The following PLEKHM3 variants were observed in gnomAD, a reference collection of about 807,000 sequenced individuals.
PLEKHM3 encodes pleckstrin homology domain-containing family M member 3.
A neutral mutation model predicts 81.8 loss-of-function variants in PLEKHM3; 45 were observed. That is an observed-to-expected ratio of 0.55 (90% CI 0.43 to 0.71). The LOEUF (loss-of-function observed/expected upper bound fraction) is 0.71. Ranked by LOEUF, PLEKHM3 falls within the 30% of genes least tolerant of loss-of-function variation. PLEKHM3 has a pLI of 0.00. For missense variants in PLEKHM3, 788 were observed against 924.3 expected, an observed-to-expected ratio of 0.85 and a Z score of 1.91; for synonymous variants, 352 against 356.4, an observed-to-expected ratio of 0.99 and a Z score of 0.14.
chr2:207,918,930 T>C (rs556758828), intron 5 of PLEKHM3, among the ~76,000 whole-genome samples: 3 of 151,850 alleles, frequency 2.0e-5, no homozygotes, highest in East Asian at 3.9e-4. Context: ...GCCTAAGAGA[T>C]GGAAACAGAC....
At chr2:207,960,596 C>A (rs1690694698) in intron 3 of PLEKHM3, among the ~76,000 whole-genome samples, 1 of 152,196 alleles carries the variant, frequency 6.6e-6, no homozygotes, top group African/African-American at 2.4e-5. Context: ...TTTATTAACC[C>A]TGTAAAACTC....
rs372873086 is a variant in PLEKHM3 at position 207,828,415 on chromosome 2, C to A, written c.2190G>T (p.Leu730=). ...GCCAGAAAGACTTCTGCTTCTTCTG[C>A]AGCTCTCGGCGAACACACCTCGGGC... ...VPCPRCVRRE[L]QKKQKSFWQR... The change falls in exon 8 of 8, where the codon CTG becomes CTT. Residue 730 remains leucine (L), a synonymous_variant. Transcript: ENST00000427836. The A allele has an allele frequency of 9.0e-5, 145 of 1,613,974 alleles. No homozygotes were observed. Among genetic ancestry groups the A allele is most frequent in the Non-Finnish European group, 1.2e-4 (136 of 1,180,024 alleles).
chr2:207,996,094 G>A (rs571117595), intron 2 of PLEKHM3, among the ~76,000 whole-genome samples: 1 of 152,322 alleles, frequency 6.6e-6, no homozygotes, highest in South Asian at 2.1e-4. Flanking sequence ...TCAGGAGTCT[G>A]AAATGGTATC....
intron 2 of PLEKHM3, among the ~76,000 whole-genome samples, chr2:207,985,019 G>C (rs1009312564): frequency 2.0e-5 from 3 of 151,968 alleles, no homozygotes; most frequent in African/African-American, 4.8e-5. Flanking sequence ...GTCACAGGTG[G>C]TTGTCCCACT....
Position 208,001,514 on chromosome 2 carries a change from G to A in PLEKHM3, c.126C>T (p.Val42=), listed in dbSNP as rs1019345937. 4 of 1,614,042 alleles carry A rather than the reference G, an allele frequency of 2.5e-6. No individual in the cohort carries two copies. The highest frequency in any genetic ancestry group is 2.7e-5 in the African/African-American group (2 of 74,928). The change falls in exon 2 of 8, where the codon GTC becomes GTT. Residue 42 remains valine (V), a synonymous_variant. Transcript: ENST00000427836. ...QQAEVYGIQE[V]PELVGHEVLS... Reference sequence around the variant, plus strand: ...GTACCTCATGCCCCACCAGTTCAGGGACTTCCTGGATCCCATAAACCTCTG... The same window carrying A: ...GTACCTCATGCCCCACCAGTTCAGGAACTTCCTGGATCCCATAAACCTCTG...
chr2:207,830,469 C>T (rs535435397), intron 7 of PLEKHM3, among the ~76,000 whole-genome samples: 75 of 152,000 alleles, frequency 4.9e-4, no homozygotes, highest in African/African-American at 1.5e-3. Flanking sequence ...CAAAATTAGC[C>T]GGGCGTGGTG....
intron 7 of PLEKHM3, among the ~76,000 whole-genome samples, chr2:207,833,666 A>G (rs1488413969): frequency 6.6e-6 from 1 of 152,196 alleles, no homozygotes; most frequent in African/African-American, 2.4e-5. Context: ...GCCAATAGCC[A>G]TGTCACCCCC....
At chr2:208,017,664 TC>T (rs1211995770) in intron 1 of PLEKHM3, among the ~76,000 whole-genome samples, 1 of 152,206 alleles carries the variant, frequency 6.6e-6, no homozygotes, top group Admixed American at 6.5e-5. Context: ...AGAAACTTGT[TC>T]TTTATGCTTT....
At chr2:207,897,525 A>G (rs988689969) in intron 6 of PLEKHM3, among the ~76,000 whole-genome samples, 2 of 152,224 alleles carry the variant, frequency 1.3e-5, no homozygotes, top group Non-Finnish European at 1.5e-5. Context: ...TTCAGAGATG[A>G]AGTGCTTAAG....
intron 3 of PLEKHM3, among the ~76,000 whole-genome samples, chr2:207,967,027 A>C (rs1480635335): frequency 1.3e-5 from 2 of 152,124 alleles, no homozygotes; most frequent in Admixed American, 1.3e-4. Flanking sequence ...TCTGTCACCC[A>C]GGCTGAAGTG....
chr2:207,993,280 A>G (rs1442208062), intron 2 of PLEKHM3, among the ~76,000 whole-genome samples: 1 of 152,196 alleles, frequency 6.6e-6, no homozygotes, highest in Non-Finnish European at 1.5e-5. Context: ...AATGGAAACT[A>G]TACGACCATA....
intron 3 of PLEKHM3, among the ~76,000 whole-genome samples, chr2:207,948,167 T>C (rs1427350517): frequency 1.3e-5 from 2 of 152,250 alleles, no homozygotes; most frequent in African/African-American, 2.4e-5. Context: ...CCAACACACA[T>C]GTAGCTCCTG....
rs1396762429 is a variant in PLEKHM3, at chr2:207,923,905, A to ATATTTTTT, written c.1886+7020_1886+7021insAAAAAATA. 2.5e-3 allele frequency among the ~76,000 whole-genome samples: 70 copies of ATATTTTTT among 28,342 alleles called. 2 individuals are homozygous for ATATTTTTT. The highest frequency in any genetic ancestry group is 4.1e-3 in the Non-Finnish European group (63 of 15,540). 18.6% of individuals were successfully genotyped at this position (28,342 alleles called of 152,430 possible). ...CATATATATATATATATATATATAT[A>ATATTTTTT]TTTTTTTTTTTTTTTTTTTCTGAGG... On this transcript the variant is annotated intron_variant, in intron 5 of 7. Transcript: ENST00000427836.
In PLEKHM3 at chr2:207,977,011, T is replaced by C. The variant is rs1691337024; in HGVS notation, c.1186A>G (p.Lys396Glu). The C allele has an allele frequency of 6.2e-7, 1 of 1,614,236 alleles. No individual in the cohort carries two copies. The highest frequency in any genetic ancestry group is 8.5e-7 in the Non-Finnish European group (1 of 1,180,038). Residue 396 changes from lysine (K) to glutamate (E), a missense_variant, in exon 3 of 8, where the codon AAG becomes GAG. Transcript: ENST00000427836. ...RAYLMAFQPG[K>E]LDEDPLLSYN... The stretch of plus-strand genomic sequence containing the variant: ...CTCAACAGTGGATCCTCGTCTAGCT[T>C]GCCAGGCTGAAAAGCCATAAGGTAA...
At chr2:207,875,724 G>A (rs1023608989) in intron 6 of PLEKHM3, among the ~76,000 whole-genome samples, 2 of 152,134 alleles carry the variant, frequency 1.3e-5, no homozygotes, top group Non-Finnish European at 2.9e-5. Flanking sequence ...TGTAGTCTCA[G>A]CTACTTAGGA....
At chr2:207,860,410 C>T (rs1389362630) in intron 7 of PLEKHM3, among the ~76,000 whole-genome samples, 1 of 152,022 alleles carries the variant, frequency 6.6e-6, no homozygotes, top group Non-Finnish European at 1.5e-5. Flanking sequence ...TAAGTGAGCC[C>T]TGCAGGGTGG....
intron 6 of PLEKHM3, among the ~76,000 whole-genome samples, chr2:207,894,093 G>C (rs1208129221): frequency 1.3e-5 from 2 of 152,106 alleles, no homozygotes; most frequent in Non-Finnish European, 2.9e-5. Context: ...TCCAGCCTGG[G>C]TGACAGAGAG....
intron 6 of PLEKHM3, among the ~76,000 whole-genome samples, chr2:207,873,499 T>A (rs2092545459): frequency 1.3e-5 from 2 of 152,232 alleles, no homozygotes; most frequent in Non-Finnish European, 2.9e-5. Context: ...ACTTGTTGAA[T>A]AGCTCCAAGA....
intron 6 of PLEKHM3, among the ~76,000 whole-genome samples, chr2:207,871,737 G>A (rs2092535833): frequency 1.3e-5 from 2 of 152,080 alleles, no homozygotes; most frequent in African/African-American, 4.8e-5. Flanking sequence ...CAAAGAGTAA[G>A]TACAAGAATG....
Sources: allele counts gnomAD v4.1 joint callset (sites outside exome capture counted in the v4.1 genomes callset), GRCh38; gene constraint gnomAD v4.1.1; transcripts MANE v1.5; gene names NCBI Gene and HGNC (gene_info 2026-07-23, HGNC 2026-07-21).